Variants in NBN observed in about 807,000 individuals in gnomAD.
The protein encoded by NBN is nibrin, also known as Nijmegen breakage syndrome 1 (nibrin).
Under a neutral mutation model 90.8 loss-of-function variants are expected in NBN, and 88 were observed. That is an observed-to-expected ratio of 0.97 (90% CI 0.82 to 1.16). The LOEUF is 1.16. Among genes scored for constraint, NBN ranks in the 50% most tolerant of loss-of-function variants. The probability of loss-of-function intolerance (pLI) is 0.00; values close to 1 mark genes in which losing one functional copy is unlikely to be tolerated. For synonymous variants in NBN, 328 were observed against 295.1 expected, an observed-to-expected ratio of 1.11 and a Z score of -1.14; for missense variants, 894 against 869.6, an observed-to-expected ratio of 1.03 and a Z score of -0.35.
intron 8 of NBN, 38 bp downstream of exon 8, chr8:89,964,370 TAA>T: frequency 6.2e-7 from 1 of 1,607,258 alleles, no homozygotes; most frequent in Non-Finnish European, 8.5e-7. Flanking sequence ...ATTTACATAA[TAA>T]AGTTGCTAAC....
chr8:89,967,412 G>C (rs1586081098), intron 7 of NBN, among the ~76,000 whole-genome samples: 1 of 152,204 alleles, frequency 6.6e-6, no homozygotes, highest in East Asian at 1.9e-4. Context: ...TATTTTCAAA[G>C]ATCTGGCTGG....
chr8:89,938,316 GAA>G (rs1312233260), intron 14 of NBN, among the ~76,000 whole-genome samples: 3 of 152,042 alleles, frequency 2.0e-5, no homozygotes, highest in Non-Finnish European at 4.4e-5. Context: ...GTAATAATGA[GAA>G]AAAATATTGG....
At chr8:89,964,607 A>C in intron 7 of NBN, 100 bp from the exon 8 acceptor site, 2 of 1,199,176 alleles carry the variant, frequency 1.7e-6, no homozygotes, top group Non-Finnish European at 2.4e-6. Flanking sequence ...TTCCTCCCAA[A>C]TAATTTTATG....
chr8:89,947,676 C>A (rs1413264924), intron 12 of NBN, 148 bp downstream of exon 12: 4 of 453,530 alleles, frequency 8.8e-6, no homozygotes, highest in Non-Finnish European at 1.2e-5. Context: ...AATAATAATA[C>A]CATGATCAAT....
At chr8:89,938,620 G>C (rs1038060018) in intron 14 of NBN, among the ~76,000 whole-genome samples, 2 of 152,032 alleles carry the variant, frequency 1.3e-5, no homozygotes, top group Non-Finnish European at 2.9e-5. Context: ...GGAATAGCTG[G>C]GATTTGACCA....
chr8:89,976,671 A>G (rs1202234777), intron 5 of NBN, among the ~76,000 whole-genome samples: 1 of 152,186 alleles, frequency 6.6e-6, no homozygotes, highest in Non-Finnish European at 1.5e-5. Flanking sequence ...CCAGCCCCCT[A>G]GCTCACTCTT....
At chr8:89,935,747 A>G in intron 15 of NBN, 135 bp from the exon 16 acceptor site, 1 of 1,019,948 alleles carries the variant, frequency 9.8e-7, no homozygotes, top group Non-Finnish European at 1.5e-6. Context: ...AGGATCAGAT[A>G]CTAAGCACTG....
intron 4 of NBN, among the ~76,000 whole-genome samples, chr8:89,979,433 T>C (rs1163079287): frequency 1.3e-5 from 2 of 152,234 alleles, no homozygotes; most frequent in Non-Finnish European, 2.9e-5. Flanking sequence ...CAACACTGTA[T>C]TGGGTAAACT....
In NBN at chr8:89,984,649, T is replaced by C; in HGVS notation, c.-88A>G. The C allele has an allele frequency of 6.3e-7, 1 of 1,574,916 alleles. No individual in the cohort carries two copies. Among genetic ancestry groups the C allele is most frequent in the South Asian group, 1.1e-5 (1 of 87,104 alleles). On this transcript the variant is annotated 5_prime_UTR_variant, in exon 1 of 16. The change abolishes an upstream ATG in the 5' untranslated region. Coordinates refer to ENST00000265433, the MANE Select transcript of NBN (RefSeq NM_002485.5). ...GCGGATACGGCGCCTGCGGTCGGCA[T>C]GGGCTCCGGGACGTGCGCGCTCCCG...
chr8:89,940,227 G>A (rs961719463), intron 14 of NBN, among the ~76,000 whole-genome samples: 1 of 151,972 alleles, frequency 6.6e-6, no homozygotes, highest in Non-Finnish European at 1.5e-5. Context: ...CTGGGACTAT[G>A]GGCACATGCA....
At chr8:89,973,098 T>C (rs539582208) in intron 5 of NBN, among the ~76,000 whole-genome samples, 2 of 152,332 alleles carry the variant, frequency 1.3e-5, no homozygotes, top group African/African-American at 4.8e-5. Flanking sequence ...TCTAACTTTA[T>C]TAGTGTCATT....
intron 15 of NBN, among the ~76,000 whole-genome samples, chr8:89,936,810 A>G (rs1809706428): frequency 6.6e-6 from 1 of 152,170 alleles, no homozygotes; most frequent in Non-Finnish European, 1.5e-5. Context: ...GCCCCCATAC[A>G]AATTTTAAGT....
intron 15 of NBN, chr8:89,936,087 C>CTTTTT (rs35393048): frequency 9.4e-4 from 265 of 280,510 alleles, no homozygotes; most frequent in South Asian, 1.8e-3. Flanking sequence ...TCTGTCAACA[C>CTTTTT]TTTTTTTTTT....
At chr8:89,981,926 G>C (rs2129919368) in intron 2 of NBN, 1 of 1,095,754 alleles carries the variant, frequency 9.1e-7, no homozygotes, top group East Asian at 4.9e-5. Flanking sequence ...GAGAATACGA[G>C]GTTATAGGCT....
At chr8:89,962,938 T>G (rs1229032719) in intron 8 of NBN, among the ~76,000 whole-genome samples, 2 of 152,208 alleles carry the variant, frequency 1.3e-5, no homozygotes, top group African/African-American at 4.8e-5. Context: ...GTAACAGCTT[T>G]AAGACTCAGC....
rs866813553 is a variant in NBN at position 89,940,365 on chromosome 8, C to A, written c.2184+2888G>T. Among the ~76,000 whole-genome samples, 4 of 152,058 alleles carry A rather than the reference C, an allele frequency of 2.6e-5. No homozygotes were observed. The South Asian group carries it at 6.2e-4, about 24-fold the overall frequency. The stretch of plus-strand genomic sequence containing the variant: ...CTCTTAACTCCCGGGTTCAAGTGAT[C>A]CTCCTGCTCCCAAAGTGCTGGGGTT... On this transcript the variant is annotated intron_variant, in intron 14 of 15. Coordinates refer to ENST00000265433, the MANE Select transcript of NBN (RefSeq NM_002485.5).
At chr8:89,962,226 C>A (rs903191004) in intron 8 of NBN, among the ~76,000 whole-genome samples, 1 of 151,872 alleles carries the variant, frequency 6.6e-6, no homozygotes, top group African/African-American at 2.4e-5. Flanking sequence ...GGACAATGTA[C>A]GTTTGTATTC....
chr8:89,937,005 G>C, intron 15 of NBN, 21 bp downstream of exon 15: 3 of 1,579,546 alleles, frequency 1.9e-6, no homozygotes, highest in Non-Finnish European at 2.6e-6. Context: ...AGGTACATGA[G>C]AAAGGTGAAT....
rs730881847 is a variant in NBN at position 89,970,445 on chromosome 8, T to A, written c.815A>T (p.Asp272Val). Residue 272 changes from aspartate to valine, a missense_variant, in exon 7 of 16, where the codon GAT becomes GTT. Asp to Val is a radical substitution (Grantham distance 152, BLOSUM62 -3). Transcript: ENST00000265433. ...FFLAPGTCVV[D>V]TGITNSQTLI... ...GGTCTGTGAGTTTGTTATTCCTGTA[T>A]CAACAACACACGTTCCCGGAGCCAA... The A allele has an allele frequency of 6.2e-7, 1 of 1,614,068 alleles. No homozygotes were observed. Among genetic ancestry groups the A allele is most frequent in the Non-Finnish European group, 8.5e-7 (1 of 1,179,938 alleles).
Sources: allele counts gnomAD v4.1 joint callset (sites outside exome capture counted in the v4.1 genomes callset), GRCh38; gene constraint gnomAD v4.1.1; transcripts MANE v1.5; gene names NCBI Gene and HGNC (gene_info 2026-07-23, HGNC 2026-07-21).